Variants in ULK4 observed in about 807,000 individuals in gnomAD.
The protein encoded by ULK4 is unc-51 like kinase 4.
A neutral mutation model predicts 160.6 loss-of-function variants in ULK4; 133 were observed. The ratio of observed to expected loss-of-function variants is 0.83; its 90% CI spans 0.72 to 0.96. ULK4 has a LOEUF of 0.96. Ranked by LOEUF, ULK4 falls within the 40% of genes least tolerant of loss-of-function variation. The pLI is 0.00. For missense variants in ULK4, 1,580 were observed against 1,499.5 expected (o/e 1.05, Z -0.89); for synonymous variants, 534 against 539.8 (o/e 0.99, Z 0.15).
intron 22 of ULK4, among the ~76,000 whole-genome samples, chr3:41,726,532 G>T (rs962439918): frequency 6.6e-6 from 1 of 152,182 alleles, no homozygotes; most frequent in African/African-American, 2.4e-5. Flanking sequence ...TTCTACAAGG[G>T]TATATCAAGT....
At chr3:41,926,685 G>A (rs777194081) in intron 5 of ULK4, among the ~76,000 whole-genome samples, 9 of 152,088 alleles carry the variant, frequency 5.9e-5, no homozygotes, top group South Asian at 2.1e-4. Context: ...AACACAGCAC[G>A]AGAACTTCAT....
rs33987084 is a variant in ULK4 at position 41,878,675 on chromosome 3, T to TAAA, written c.1656+5196_1656+5198dup. ...AATAATCGATTGATGTTAAAACTGT[T>TAAA]AAAAAAAAAAAAAAAAAAAAAGAGT... On this transcript the variant is annotated intron_variant, in intron 17 of 36. Transcript: ENST00000301831. Among the ~76,000 whole-genome samples the TAAA allele has an allele frequency of 5.8e-3, 555 of 95,878 alleles. 6 individuals are homozygous for TAAA. Among genetic ancestry groups the TAAA allele is most frequent in the Middle Eastern group, 0.025 (3 of 118 alleles). 62.9% of individuals were successfully genotyped at this position (95,878 alleles called of 152,430 possible).
At chr3:41,386,965 G>C (rs147861692) in intron 35 of ULK4, among the ~76,000 whole-genome samples, 66 of 152,236 alleles carry the variant, frequency 4.3e-4, no homozygotes, top group Admixed American at 7.2e-4. Context: ...TGAGTCCTGA[G>C]AAGGACTGGC....
At chr3:41,953,305 T>TATATATATATATATATA (rs1491089866) in intron 2 of ULK4, among the ~76,000 whole-genome samples, 2 of 91,808 alleles carry the variant, frequency 2.2e-5, no homozygotes, top group African/African-American at 5.3e-5. Flanking sequence ...TATATATATA[T>TATATATATATATATATA]TTTTTTTTTT....
rs547160285 is a variant in ULK4 at position 41,908,245 on chromosome 3, A to C, written c.1086-304T>G. ...GATTAACATAAATAAAATAGATCAG[A>C]TATTCTACAAAGAATGAAAAATATT... On this transcript the variant is annotated intron_variant, in intron 11 of 36. Transcript: ENST00000301831. Among the ~76,000 whole-genome samples, 12 of 152,328 alleles carry C rather than the reference A, an allele frequency of 7.9e-5. No individual in the cohort carries two copies. In the South Asian group the frequency reaches 2.5e-3, roughly 32 times the overall value.
chr3:41,757,061 T>C (rs2038827440), intron 21 of ULK4, among the ~76,000 whole-genome samples: 2 of 78,946 alleles, frequency 2.5e-5, no homozygotes, highest in South Asian at 6.2e-4. Flanking sequence ...CCACATAAAC[T>C]AGAGTATTTG....
intron 34 of ULK4, among the ~76,000 whole-genome samples, chr3:41,411,420 C>CTTTTTTTTTTTTTTTT (rs556696303): frequency 7.0e-6 from 1 of 143,040 alleles, no homozygotes; most frequent in African/African-American, 2.6e-5. Context: ...ACATTCCTTT[C>CTTTTTTTTTTTTTTTT]TTTTTTTTTT....
chr3:41,701,046 A>C (rs2036657392), intron 27 of ULK4, among the ~76,000 whole-genome samples: 1 of 152,148 alleles, frequency 6.6e-6, no homozygotes, highest in African/African-American at 2.4e-5. Context: ...TATAACACTA[A>C]AAAAGAAAAA....
At chr3:41,717,996 G>A in intron 22 of ULK4, 135 bp from the exon 23 acceptor site, 1 of 1,043,374 alleles carries the variant, frequency 9.6e-7, no homozygotes, top group East Asian at 2.5e-5. Context: ...GTAGCAACTT[G>A]TCGGGCACAA....
intron 34 of ULK4, among the ~76,000 whole-genome samples, chr3:41,411,540 G>A (rs531088579): frequency 6.6e-6 from 1 of 151,346 alleles, no homozygotes; most frequent in African/African-American, 2.4e-5. Context: ...TGATTCTCCT[G>A]CCTCAGCCTC....
At chr3:41,441,260 A>C (rs2083161160) in intron 34 of ULK4, among the ~76,000 whole-genome samples, 1 of 152,022 alleles carries the variant, frequency 6.6e-6, no homozygotes, top group Non-Finnish European at 1.5e-5. Context: ...CCTTTCCCAA[A>C]CTTTTCTAAA....
At chr3:41,412,578 T>TTTTTTTTTTTTTTTC (rs1491552000) in intron 34 of ULK4, among the ~76,000 whole-genome samples, 1 of 113,892 alleles carries the variant, frequency 8.8e-6, no homozygotes, top group African/African-American at 3.7e-5. Flanking sequence ...TTTTTTTTTT[T>TTTTTTTTTTTTTTTC]GAGACAGAGT....
chr3:41,353,645 G>C (rs2080958403), intron 35 of ULK4, among the ~76,000 whole-genome samples: 1 of 151,302 alleles, frequency 6.6e-6, no homozygotes, highest in Admixed American at 6.6e-5. Context: ...TCCAGACTGG[G>C]TAATGGAGCA....
chr3:41,868,043 CTGTT>C (rs1696960406), intron 17 of ULK4, among the ~76,000 whole-genome samples: 2 of 152,204 alleles, frequency 1.3e-5, no homozygotes, highest in East Asian at 1.9e-4. Context: ...AGAATATGGT[CTGTT>C]TTAGTGACTA....
intron 21 of ULK4, among the ~76,000 whole-genome samples, chr3:41,780,083 A>G (rs758508080): frequency 6.6e-6 from 1 of 151,326 alleles, no homozygotes; most frequent in Non-Finnish European, 1.5e-5. Flanking sequence ...AGGCTGAGGC[A>G]GGTGGATCAC....
rs189677275 is a variant in ULK4, at chr3:41,289,774, G to A, written c.3679-40200C>T. Among the ~76,000 whole-genome samples the A allele has an allele frequency of 3.3e-5, 5 of 152,162 alleles. No individual in the cohort carries two copies. The East Asian group carries it at 9.7e-4, about 29-fold the overall frequency. ...GCAAGTCAGTCTAACACCAGAAACTGACCCTAACCCTGCATCTTCTTATTA... is the reference window on the plus strand; with the variant it reads ...GCAAGTCAGTCTAACACCAGAAACTAACCCTAACCCTGCATCTTCTTATTA... On this transcript the variant is annotated intron_variant, in intron 35 of 36. Transcript: ENST00000301831.
At chr3:41,285,595 G>T (rs1182853227) in intron 35 of ULK4, among the ~76,000 whole-genome samples, 1 of 152,118 alleles carries the variant, frequency 6.6e-6, no homozygotes, top group African/African-American at 2.4e-5. Flanking sequence ...TGGGGGGAAG[G>T]GTGAGAGGGA....
At chr3:41,595,307 G>C (rs937362628) in intron 31 of ULK4, among the ~76,000 whole-genome samples, 1 of 152,112 alleles carries the variant, frequency 6.6e-6, no homozygotes, top group South Asian at 2.1e-4. Flanking sequence ...TGATCCTGCC[G>C]CGGTCAACTT....
At chr3:41,498,212 A>C (rs560838352) in intron 32 of ULK4, among the ~76,000 whole-genome samples, 3 of 152,224 alleles carry the variant, frequency 2.0e-5, no homozygotes, top group Non-Finnish European at 4.4e-5. Context: ...TTCATTCAAC[A>C]TAACTGAAAA....
Sources: allele counts gnomAD v4.1 joint callset (sites outside exome capture counted in the v4.1 genomes callset), GRCh38; gene constraint gnomAD v4.1.1; transcripts MANE v1.5; gene names NCBI Gene and HGNC (gene_info 2026-07-23, HGNC 2026-07-21).